Variants in DAB2IP observed in about 807,000 individuals in gnomAD.
DAB2IP encodes DAB2 interacting protein.
Under a neutral mutation model 107.2 loss-of-function variants are expected in DAB2IP, and 28 were observed. The ratio of observed to expected loss-of-function variants is 0.26; its 90% CI spans 0.19 to 0.36. The LOEUF is 0.36. DAB2IP is among the 10% of genes least tolerant of loss of function. DAB2IP has a pLI of 1.00. For missense variants in DAB2IP, 1,400 were observed against 1,644.7 expected (o/e 0.85, Z 2.57); for synonymous variants, 755 against 706.4 (o/e 1.07, Z -1.09).
At chr9:121,721,358 C>T (rs868671836) in intron 3 of DAB2IP, among the ~76,000 whole-genome samples, 1 of 152,180 alleles carries the variant, frequency 6.6e-6, no homozygotes, top group Non-Finnish European at 1.5e-5. Flanking sequence ...TCCTGGGCAC[C>T]GTGAAGGGCT....
intron 1 of DAB2IP, among the ~76,000 whole-genome samples, chr9:121,622,130 A>C (rs765110182): frequency 1.3e-5 from 2 of 151,902 alleles, no homozygotes; most frequent in South Asian, 2.1e-4. Context: ...CTGGGACTAC[A>C]GGCGTGTGCC....
chr9:121,766,437 C>G, intron 8 of DAB2IP, 57 bp from the exon 9 acceptor site: 1 of 1,524,968 alleles, frequency 6.6e-7, no homozygotes, highest in Non-Finnish European at 8.9e-7. Flanking sequence ...GCTCTGTGCA[C>G]TCCTGTCCTG....
In DAB2IP at chr9:121,699,400, T is replaced by C; in HGVS notation, c.304T>C (p.Phe102Leu). Residue 102 changes from phenylalanine to leucine, a missense_variant, in exon 3 of 16, where the codon TTC becomes CTC. Transcript: ENST00000408936. The surrounding 1 kb of genome is among the most constrained non-coding windows in gnomAD (Gnocchi z 6.2). ...GCCCAAGCTGGACCGCAACCACAGC[T>C]TCCGCCACATCCTGCCGGGGTTCCG... 2 of 1,467,278 alleles carry C rather than the reference T, an allele frequency of 1.4e-6. No individual in the cohort carries two copies. Among genetic ancestry groups the C allele is most frequent in the Non-Finnish European group, 1.8e-6 (2 of 1,099,124 alleles). The allele number at this position is 1,467,278 out of a possible 1,614,324, so 90.9% of individuals were successfully genotyped here. A position where few individuals can be genotyped will look rare whatever the true frequency, so the allele number is the denominator to read the frequency against.
intron 3 of DAB2IP, among the ~76,000 whole-genome samples, chr9:121,755,956 C>T (rs938880130): frequency 8.5e-5 from 13 of 152,072 alleles, no homozygotes; most frequent in Admixed American, 8.5e-4. Flanking sequence ...AGCCAAAGGG[C>T]ATAGGGCGTT....
chr9:121,713,341 C>T (rs1219522450), intron 3 of DAB2IP, among the ~76,000 whole-genome samples: 1 of 152,104 alleles, frequency 6.6e-6, no homozygotes, highest in Non-Finnish European at 1.5e-5. Flanking sequence ...GTGCCCTTCC[C>T]AGCTTGCTTG....
chr9:121,619,683 T>C (rs753434431), intron 1 of DAB2IP, among the ~76,000 whole-genome samples: 1 of 152,192 alleles, frequency 6.6e-6, no homozygotes, highest in Non-Finnish European at 1.5e-5. Flanking sequence ...TCCTTACACT[T>C]GGGTGGAGTA....
At chr9:121,682,237 C>G (rs561787714) in intron 2 of DAB2IP, among the ~76,000 whole-genome samples, 1 of 152,320 alleles carries the variant, frequency 6.6e-6, no homozygotes, top group South Asian at 2.1e-4. Flanking sequence ...CTGTGTAGAC[C>G]CTCGAGGGAA....
At chr9:121,624,896 A>G (rs1831589446) in intron 1 of DAB2IP, among the ~76,000 whole-genome samples, 1 of 152,222 alleles carries the variant, frequency 6.6e-6, no homozygotes, top group Non-Finnish European at 1.5e-5. Context: ...GTAAGTCTCA[A>G]TAAGTATTCA....
rs372291847 is a variant in DAB2IP at position 121,579,906 on chromosome 9, T to G, written c.40+12678T>G. On this transcript the variant is annotated intron_variant, in intron 1 of 16. Coordinates refer to the DAB2IP transcript ENST00000259371. ...TCAAAGCCTCCTGCAGGACTTGGCC[T>G]CACCTTGCCCACTGCACCTGGGTCG... Among the ~76,000 whole-genome samples the G allele has an allele frequency of 7.9e-5, 12 of 152,192 alleles. 1 individual carries two copies. The East Asian group carries it at 1.9e-3, about 24-fold the overall frequency.
chr9:121,660,690 C>G (rs1048603853), intron 1 of DAB2IP, among the ~76,000 whole-genome samples: 4 of 152,172 alleles, frequency 2.6e-5, no homozygotes, highest in Non-Finnish European at 5.9e-5. Flanking sequence ...CCATAACATC[C>G]ATTTCACTTC....
chr9:121,627,146 C>CA (rs1831682523), intron 1 of DAB2IP, among the ~76,000 whole-genome samples: 1 of 150,814 alleles, frequency 6.6e-6, no homozygotes, highest in African/African-American at 2.4e-5. Flanking sequence ...CACACTCACA[C>CA]ACACACACAC....
upstream of DAB2IP, among the ~76,000 whole-genome samples, chr9:121,651,428 G>A (rs1035615735): frequency 6.6e-6 from 1 of 152,196 alleles, no homozygotes; most frequent in Non-Finnish European, 1.5e-5. This position sits in a 1 kb window ranked among gnomAD's most constrained non-coding sequence, Gnocchi z 5.1. Context: ...CTCGGGGGCG[G>A]GGGTGGGAGC....
intron 1 of DAB2IP, among the ~76,000 whole-genome samples, chr9:121,595,751 G>A (rs1358042479): frequency 6.6e-6 from 1 of 152,172 alleles, no homozygotes; most frequent in Non-Finnish European, 1.5e-5. Context: ...TCCTCTGAAT[G>A]TCTTTATACT....
At chr9:121,733,864 T>C (rs1253076894) in intron 3 of DAB2IP, among the ~76,000 whole-genome samples, 1 of 152,106 alleles carries the variant, frequency 6.6e-6, no homozygotes, top group Non-Finnish European at 1.5e-5. Flanking sequence ...GAGGCGGGCT[T>C]TGTGACTGTT....
In DAB2IP at chr9:121,682,646, T is replaced by C. The variant is rs1828655627; in HGVS notation, c.228+3865T>C. ...CTGTATGACCCTGGGAGAGCCTCAG[T>C]TTCCCCTTTTGTGAAATGTGGGGGA... On this transcript the variant is annotated intron_variant, in intron 2 of 15. Coordinates refer to ENST00000408936, the Ensembl canonical transcript of DAB2IP. 2.0e-5 allele frequency among the ~76,000 whole-genome samples: 3 copies of C among 152,222 alleles called. No homozygotes were observed. The South Asian group carries it at 6.2e-4, about 32-fold the overall frequency.
At chr9:121,709,703 C>T (rs77375552) in intron 3 of DAB2IP, among the ~76,000 whole-genome samples, 380 of 152,320 alleles carry the variant, frequency 2.5e-3, no homozygotes, top group Non-Finnish European at 4.1e-3. Context: ...GATAAACCAC[C>T]TGGTCACTTA....
intron 2 of DAB2IP, among the ~76,000 whole-genome samples, chr9:121,679,681 G>T (rs947022509): frequency 6.6e-5 from 10 of 152,004 alleles, no homozygotes; most frequent in African/African-American, 2.4e-4. Context: ...AGAAGGTTCT[G>T]GGTGGCAGGA....
Position 121,772,471 on chromosome 9 carries a change from C to T in DAB2IP, c.2079-136C>T. The T allele has an allele frequency of 1.1e-6, 1 of 916,804 alleles. No homozygotes were observed. The highest frequency in any genetic ancestry group is 1.7e-6 in the Non-Finnish European group (1 of 599,142). The allele number at this position is 916,804 out of a possible 1,614,324, so 56.8% of individuals were successfully genotyped here. A position where few individuals can be genotyped will look rare whatever the true frequency, so the allele number is the denominator to read the frequency against. On this transcript the variant is annotated intron_variant, in intron 11 of 15. Coordinates refer to ENST00000408936, the Ensembl canonical transcript of DAB2IP. The surrounding 1 kb of genome is among the most constrained non-coding windows in gnomAD (Gnocchi z 4.7). ...TTCTCCCACTCCTGCCACCCCAGCG[C>T]ATCCATCTCCCCAGCGCTGGCTCAG...
chr9:121,669,207 C>T (rs918905130), intron 1 of DAB2IP, among the ~76,000 whole-genome samples: 4 of 152,152 alleles, frequency 2.6e-5, no homozygotes, highest in Admixed American at 6.5e-5. Flanking sequence ...GCTGGGATTA[C>T]AGGCGTGAGC....
Sources: allele counts gnomAD v4.1 joint callset (sites outside exome capture counted in the v4.1 genomes callset), GRCh38; gene constraint gnomAD v4.1.1; non-coding constraint Gnocchi (gnomAD v3.1); transcripts MANE v1.5; gene names NCBI Gene and HGNC (gene_info 2026-07-23, HGNC 2026-07-21).